PCDH7: variants seen among roughly 807,000 people sequenced by gnomAD.
The protein encoded by PCDH7 is protocadherin 7.
PCDH7 carries 17 observed loss-of-function variants against 58.9 expected under a neutral mutation model. The observed-to-expected ratio is 0.29, with a 90% CI of 0.20 to 0.43. The LOEUF is 0.43. PCDH7 is among the 20% of genes least tolerant of loss of function. The pLI, the probability that PCDH7 is intolerant of heterozygous loss-of-function variation, is 1.00. For synonymous variants in PCDH7, 664 were observed against 616.4 expected (o/e 1.08, Z -1.14); for missense variants, 1,274 against 1,441.0 (o/e 0.88, Z 1.88).
chr4:30,868,270 T>A (rs1288038179), intron 1 of PCDH7, among the ~76,000 whole-genome samples: 2 of 152,126 alleles, frequency 1.3e-5, no homozygotes, highest in Non-Finnish European at 2.9e-5. Context: ...ATTATAGTGC[T>A]ATTTTAAAGA....
At chr4:30,914,808 C>T (rs932297924) in intron 1 of PCDH7, among the ~76,000 whole-genome samples, 9 of 152,116 alleles carry the variant, frequency 5.9e-5, no homozygotes, top group African/African-American at 2.2e-4. Flanking sequence ...TTACTATTGT[C>T]TCCATTATAC....
chr4:31,014,987 C>A (rs1315789915), intron 3 of PCDH7, among the ~76,000 whole-genome samples: 1 of 152,112 alleles, frequency 6.6e-6, no homozygotes, highest in Admixed American at 6.6e-5. Context: ...CAAAGGCAAT[C>A]AATATTTATT....
chr4:30,976,698 C>T (rs1750106008), intron 3 of PCDH7, among the ~76,000 whole-genome samples: 1 of 152,056 alleles, frequency 6.6e-6, no homozygotes, highest in Non-Finnish European at 1.5e-5. Context: ...TGCACCCGGC[C>T]CATAAAATTC....
chr4:30,840,062 A>G (rs946255335), intron 1 of PCDH7, among the ~76,000 whole-genome samples: 1 of 150,650 alleles, frequency 6.6e-6, no homozygotes, highest in Non-Finnish European at 1.5e-5. Context: ...GTGGTTTTGT[A>G]ACTGTTTGGA....
chr4:30,882,236 T>C (rs75770212), intron 1 of PCDH7, among the ~76,000 whole-genome samples: 1 of 150,198 alleles, frequency 6.7e-6, no homozygotes, highest in African/African-American at 2.5e-5. Flanking sequence ...CCTCCTCCTC[T>C]TCTTCTTCAT....
chr4:31,067,159 T>C (rs1329443376), intron 3 of PCDH7, among the ~76,000 whole-genome samples: 1 of 151,964 alleles, frequency 6.6e-6, no homozygotes, highest in Non-Finnish European at 1.5e-5. Context: ...CTGTGAAGCG[T>C]GTTAAAAATA....
chr4:31,032,794 A>T (rs897735330), intron 3 of PCDH7, among the ~76,000 whole-genome samples: 3 of 152,040 alleles, frequency 2.0e-5, no homozygotes, highest in African/African-American at 7.2e-5. Context: ...TCAAAATTCA[A>T]ATCTTGAAAC....
intron 1 of PCDH7, among the ~76,000 whole-genome samples, chr4:30,815,062 G>T (rs888843791): frequency 1.3e-4 from 19 of 151,898 alleles, no homozygotes; most frequent in Non-Finnish European, 7.4e-5. Flanking sequence ...CAGCTCAATT[G>T]TAAGTTATAC....
intron 1 of PCDH7, among the ~76,000 whole-genome samples, chr4:30,890,533 A>G (rs543448405): frequency 9.9e-5 from 15 of 151,974 alleles, no homozygotes; most frequent in African/African-American, 3.4e-4. Flanking sequence ...AATGTTTTGA[A>G]TATTTAAGCC....
intron 3 of PCDH7, among the ~76,000 whole-genome samples, chr4:31,126,879 T>C (rs1015108422): frequency 6.6e-6 from 1 of 152,202 alleles, no homozygotes; most frequent in Non-Finnish European, 1.5e-5. Context: ...ATTGATTTAT[T>C]TGAATTGTAC....
At chr4:30,896,678 T>C (rs1739431036) in intron 1 of PCDH7, among the ~76,000 whole-genome samples, 1 of 152,008 alleles carries the variant, frequency 6.6e-6, no homozygotes, top group Admixed American at 6.6e-5. Context: ...GATAAAGAAT[T>C]TTTAAATAAA....
At chr4:31,010,627 C>T (rs1421720296) in intron 3 of PCDH7, among the ~76,000 whole-genome samples, 2 of 151,822 alleles carry the variant, frequency 1.3e-5, no homozygotes, top group Admixed American at 6.6e-5. Context: ...TTGCATTTCA[C>T]CTAACACTAA....
chr4:31,068,632 G>A (rs931412341), intron 3 of PCDH7, among the ~76,000 whole-genome samples: 4 of 151,976 alleles, frequency 2.6e-5, no homozygotes, highest in Non-Finnish European at 2.9e-5. Flanking sequence ...CTCAAATGAA[G>A]CAGTGACCTA....
intron 1 of PCDH7, among the ~76,000 whole-genome samples, chr4:30,771,048 C>G (rs1378247192): frequency 6.6e-6 from 1 of 152,092 alleles, no homozygotes; most frequent in East Asian, 1.9e-4. Context: ...CACCCTAAAA[C>G]TTATTTCTAT....
chr4:31,142,091 A>G (rs974766225), intron 3 of PCDH7, among the ~76,000 whole-genome samples: 1 of 152,164 alleles, frequency 6.6e-6, no homozygotes, highest in African/African-American at 2.4e-5. Context: ...AAAATTGTCT[A>G]TTTGGATTTA....
intron 1 of PCDH7, among the ~76,000 whole-genome samples, chr4:30,834,277 T>C (rs552370224): frequency 6.6e-6 from 1 of 152,306 alleles, no homozygotes; most frequent in Non-Finnish European, 1.5e-5. Context: ...AAATTCTTAA[T>C]AATTTTTGAA....
chr4:30,748,414 G>A (rs1718053572), intron 1 of PCDH7, among the ~76,000 whole-genome samples: 1 of 152,154 alleles, frequency 6.6e-6, no homozygotes, highest in Non-Finnish European at 1.5e-5. Flanking sequence ...AGAAGTCCAA[G>A]AGCATGATAC....
At chr4:31,043,363 G>A (rs577245925) in intron 3 of PCDH7, among the ~76,000 whole-genome samples, 1 of 152,236 alleles carries the variant, frequency 6.6e-6, no homozygotes, top group African/African-American at 2.4e-5. Context: ...TTGCCACACT[G>A]TCTTCCACAA....
chr4:31,023,226 A>G (rs1754168419), intron 3 of PCDH7, among the ~76,000 whole-genome samples: 1 of 152,150 alleles, frequency 6.6e-6, no homozygotes, highest in Admixed American at 6.6e-5. Context: ...TCCCATTCAG[A>G]CCTGATTATT....
Sources: gnomAD v4.1 joint callset for allele counts (sites outside exome capture counted in the v4.1 genomes callset) on GRCh38, gnomAD v4.1.1 for gene constraint, MANE v1.5 for transcripts, NCBI Gene and HGNC (gene_info 2026-07-23, HGNC 2026-07-21) for gene names.